Variants in RBM6 observed in about 807,000 individuals in gnomAD.
The protein encoded by RBM6 is RNA-binding protein 6.
In RBM6, 23 loss-of-function variants were observed where a neutral mutation model predicts 140.4. The observed-to-expected ratio is 0.16, with a 90% CI of 0.12 to 0.23. The LOEUF (loss-of-function observed/expected upper bound fraction) is 0.23. RBM6 is among the 10% of genes least tolerant of loss of function. RBM6 has a pLI of 1.00. For synonymous variants in RBM6, 439 were observed against 475.6 expected (o/e 0.92, Z 1.00); for missense variants, 1,139 against 1,386.7 (o/e 0.82, Z 2.84).
intron 5 of RBM6, among the ~76,000 whole-genome samples, chr3:49,984,784 CAAG>C (rs2085488653): frequency 6.6e-6 from 1 of 152,196 alleles, no homozygotes; most frequent in African/African-American, 2.4e-5. Flanking sequence ...TTGATAAAGC[CAAG>C]AAGAAGGATA....
chr3:50,066,211 T>G lies in RBM6; in HGVS notation c.2683-31T>G, dbSNP rs569025738. On this transcript the variant is annotated intron_variant, in intron 16 of 20. Transcript: ENST00000266022. Reference sequence around the variant, plus strand: ...ATGGACCCCAAAATATAGGTTGAATTTGGTATTGATCCCTGGCCTTCTCCT... The same window carrying G: ...ATGGACCCCAAAATATAGGTTGAATGTGGTATTGATCCCTGGCCTTCTCCT... 1.9e-6 allele frequency: 3 copies of G among 1,575,376 alleles called. No homozygotes were observed. In the Admixed American group the frequency reaches 5.7e-5, roughly 30 times the overall value.
At chr3:50,058,334 TC>T in intron 9 of RBM6, 67 bp from the exon 10 acceptor site, 7 of 1,499,078 alleles carry the variant, frequency 4.7e-6, no homozygotes, top group Non-Finnish European at 5.5e-6. Context: ...ACAGTCAGAT[TC>T]TTGGGACTTC....
intron 5 of RBM6, among the ~76,000 whole-genome samples, chr3:49,989,996 C>G (rs894135954): frequency 3.3e-5 from 5 of 152,180 alleles, no homozygotes; most frequent in African/African-American, 1.2e-4. Context: ...ATCTGCCCGC[C>G]TTGGCTTCCC....
intron 6 of RBM6, among the ~76,000 whole-genome samples, chr3:50,002,504 C>T (rs113774665): frequency 2.0e-5 from 3 of 151,818 alleles, no homozygotes; most frequent in South Asian, 2.1e-4. Flanking sequence ...TCAGGTGATC[C>T]GACTGCCTTG....
intron 5 of RBM6, among the ~76,000 whole-genome samples, chr3:49,982,271 T>C (rs986554482): frequency 7.0e-6 from 1 of 142,476 alleles, no homozygotes; most frequent in African/African-American, 2.6e-5. Flanking sequence ...TCTTTTTTTT[T>C]TTTTTTTTTT....
intron 6 of RBM6, among the ~76,000 whole-genome samples, chr3:50,009,688 G>A (rs528097267): frequency 4.8e-4 from 69 of 144,084 alleles, no homozygotes; most frequent in African/African-American, 1.5e-3. Context: ...CTTCTGAATA[G>A]TTGGGACTAC....
At chr3:49,971,517 C>T (rs1453768452) in intron 3 of RBM6, among the ~76,000 whole-genome samples, 1 of 148,866 alleles carries the variant, frequency 6.7e-6, no homozygotes, top group Non-Finnish European at 1.5e-5. Context: ...ACAGCCCATT[C>T]TCCAGCTCTC....
intron 5 of RBM6, among the ~76,000 whole-genome samples, chr3:49,993,574 G>A (rs886772909): frequency 2.6e-5 from 4 of 152,086 alleles, no homozygotes; most frequent in Middle Eastern, 6.8e-3. Context: ...CCTGGTAGGC[G>A]GTAGTTGCAA....
intron 6 of RBM6, among the ~76,000 whole-genome samples, chr3:50,006,660 C>T (rs988181278): frequency 1.3e-5 from 2 of 149,320 alleles, no homozygotes; most frequent in Non-Finnish European, 1.5e-5. Flanking sequence ...TGGCCGGGTG[C>T]GGTGGCTCAT....
intron 2 of RBM6, 136 bp downstream of exon 2, chr3:49,962,821 G>T: frequency 1.1e-6 from 1 of 882,454 alleles, no homozygotes; most frequent in Non-Finnish European, 1.6e-6. Context: ...AATTTGGCTG[G>T]GCGCGGTGGC....
intron 1 of RBM6, among the ~76,000 whole-genome samples, chr3:49,950,279 T>C (rs904454050): frequency 3.3e-5 from 5 of 152,266 alleles, no homozygotes; most frequent in East Asian, 1.9e-4. Flanking sequence ...AGCTGCTGCA[T>C]ACCACAGCTA....
intron 5 of RBM6, among the ~76,000 whole-genome samples, chr3:49,982,666 C>T (rs925094945): frequency 6.6e-6 from 1 of 151,960 alleles, no homozygotes; most frequent in African/African-American, 2.4e-5. Flanking sequence ...GATCCACCCA[C>T]CTCGGCCTCC....
intron 7 of RBM6, among the ~76,000 whole-genome samples, chr3:50,049,782 CATT>C (rs2089387254): frequency 6.6e-6 from 1 of 151,504 alleles, no homozygotes; most frequent in South Asian, 2.1e-4. Context: ...CATTTTGAAG[CATT>C]AATTCAGTGA....
chr3:50,035,803 C>T (rs1308329615), intron 6 of RBM6, among the ~76,000 whole-genome samples: 2 of 151,764 alleles, frequency 1.3e-5, no homozygotes, highest in Non-Finnish European at 2.9e-5. Flanking sequence ...CTCTGTTGCC[C>T]AGGCTGGAAC....
At chr3:49,986,556 A>C (rs62262142) in intron 5 of RBM6, among the ~76,000 whole-genome samples, 148,896 of 148,898 alleles carry the variant, frequency 1, 74,447 homozygotes, top group Middle Eastern at 1. Context: ...GATAGCGCCA[A>C]TGCACTCCAG....
chr3:50,045,123 TC>T (rs2108870595), intron 6 of RBM6, among the ~76,000 whole-genome samples: 1 of 152,302 alleles, frequency 6.6e-6, no homozygotes, highest in Admixed American at 6.5e-5. Flanking sequence ...TGATGGGGAC[TC>T]CTGGCAAGGG....
chr3:50,011,908 G>C (rs1210945213), intron 6 of RBM6, among the ~76,000 whole-genome samples: 1 of 149,978 alleles, frequency 6.7e-6, no homozygotes, highest in African/African-American at 2.5e-5. Flanking sequence ...GCTGAGTGCA[G>C]TGGCATGACC....
At chr3:49,977,291 C>A (rs767616511) in intron 5 of RBM6, among the ~76,000 whole-genome samples, 1 of 152,202 alleles carries the variant, frequency 6.6e-6, no homozygotes, top group South Asian at 2.1e-4. Context: ...CTACTCTTCT[C>A]TCTGATCTTT....
rs757226975 is a variant in RBM6, at chr3:49,968,588, A to G, written c.1163A>G (p.Glu388Gly). The G allele has an allele frequency of 6.2e-6, 10 of 1,614,130 alleles. No homozygotes were observed. Among genetic ancestry groups the G allele is most frequent in the South Asian group, 1.1e-5 (1 of 91,082 alleles). Residue 388 changes from glutamate (E) to glycine (G), a missense_variant, in exon 3 of 21, where the codon GAA becomes GGA. Around this residue, in one of 9 missense-constraint regions of RBM6, gnomAD observed 566 missense variants for 612.7 expected, o/e 0.92. Transcript: ENST00000266022. ...TCAGATGCTGGTCTGTTTAAAGAAGAAGGCGGTCTGGACTTTCTTGGGCGG... is the reference window on the plus strand; with the variant it reads ...TCAGATGCTGGTCTGTTTAAAGAAGGAGGCGGTCTGGACTTTCTTGGGCGG... ...QSSDAGLFKE[E>G]GGLDFLGRQD...
Sources: allele counts gnomAD v4.1 joint callset (sites outside exome capture counted in the v4.1 genomes callset), GRCh38; gene constraint gnomAD v4.1.1; regional missense constraint gnomAD v4.1.1; transcripts MANE v1.5; gene names NCBI Gene and HGNC (gene_info 2026-07-23, HGNC 2026-07-21).